AKAP12: variants seen among roughly 807,000 people sequenced by gnomAD.
The protein encoded by AKAP12 is A-kinase anchor protein 12.
In AKAP12, 32 loss-of-function variants were observed where a neutral mutation model predicts 79.9. That is an observed-to-expected ratio of 0.40 (90% CI 0.30 to 0.54). AKAP12 has a LOEUF of 0.54. Among genes scored for constraint, AKAP12 ranks in the 20% least tolerant of loss-of-function variants. The pLI is 0.48. For synonymous variants in AKAP12, 808 were observed against 857.0 expected, an observed-to-expected ratio of 0.94 and a Z score of 1.00; for missense variants, 2,074 against 2,177.0, an observed-to-expected ratio of 0.95 and a Z score of 0.94.
At position 151,268,833 on chromosome 6, in the gene AKAP12, G is replaced by A. The variant is rs149898791; in HGVS notation, c.162+28109G>A. Among the ~76,000 whole-genome samples, 214 of 151,812 alleles carry A rather than the reference G, an allele frequency of 1.4e-3. 1 individual carries two copies. The highest frequency in any genetic ancestry group is 0.011 in the South Asian group (52 of 4,786). On this transcript the variant is annotated intron_variant, in intron 2 of 4. Coordinates refer to ENST00000402676, the MANE Select transcript of AKAP12 (RefSeq NM_005100.4). ...TAATTTTTGTATTTTTTGTAGAGAC[G>A]GGGTTTCACCATGATGGCCAGGCTG...
At chr6:151,245,866 T>A (rs1294303701) in intron 2 of AKAP12, among the ~76,000 whole-genome samples, 1 of 152,166 alleles carries the variant, frequency 6.6e-6, no homozygotes, top group African/African-American at 2.4e-5. Flanking sequence ...TTTCGAAAAC[T>A]TCATGCACAT....
Position 151,349,026 on chromosome 6 carries a change from C to G in AKAP12, c.635C>G (p.Ala212Gly). 1 of 1,613,076 alleles carries G rather than the reference C, an allele frequency of 6.2e-7. No homozygotes were observed. The highest frequency in any genetic ancestry group is 8.5e-7 in the Non-Finnish European group (1 of 1,179,678). The change falls in exon 4 of 5, where the codon GCT (alanine) becomes GGT (glycine). Residue 212 changes from alanine to glycine, a missense_variant. Coordinates refer to ENST00000402676, the MANE Select transcript of AKAP12 (RefSeq NM_005100.4). ...GATGAAGGGGAGGGAGCAGCAGGGG[C>G]TGGCGACCACAAGGACCCCAGCCTT... ...KKDEGEGAAGAGDHKDPSLGA... is the reference protein window; with the variant it reads ...KKDEGEGAAGGGDHKDPSLGA...
At chr6:151,324,796 A>C (rs1161638315) in intron 3 of AKAP12, 22 of 985,280 alleles carry the variant, frequency 2.2e-5, no homozygotes, top group Non-Finnish European at 2.7e-5. Context: ...GACCACACCA[A>C]CTCATTCGTC....
intron 3 of AKAP12, chr6:151,343,881 A>G (rs2114812934): frequency 2.3e-6 from 1 of 432,536 alleles, no homozygotes; most frequent in Non-Finnish European, 4.4e-6. Context: ...GTCAGTTTAT[A>G]ATAGGAACAA....
intron 2 of AKAP12, among the ~76,000 whole-genome samples, chr6:151,274,430 G>C (rs573104678): frequency 7.2e-5 from 11 of 152,052 alleles, no homozygotes; most frequent in South Asian, 2.1e-4. Context: ...TGGAGGAGGT[G>C]GGGGGGTTGG....
chr6:151,290,839 A>G (rs1305337871), intron 2 of AKAP12, among the ~76,000 whole-genome samples: 1 of 151,804 alleles, frequency 6.6e-6, no homozygotes, highest in African/African-American at 2.4e-5. Flanking sequence ...TGAACTCCTG[A>G]CCTCAGATGA....
intron 3 of AKAP12, among the ~76,000 whole-genome samples, chr6:151,345,895 ATGTGTGTG>A (rs367643775): frequency 0.061 from 7,795 of 128,572 alleles, 286 homozygotes; most frequent in Non-Finnish European, 0.081. Context: ...GTGTGTGTAT[ATGTGTGTG>A]TGTGTGTGTG....
chr6:151,349,607 G>A lies in AKAP12; in HGVS notation c.1216G>A (p.Glu406Lys). The A allele has an allele frequency of 3.7e-6, 6 of 1,610,976 alleles. No individual in the cohort carries two copies. The highest frequency in any genetic ancestry group is 5.1e-6 in the Non-Finnish European group (6 of 1,179,050). Residue 406 changes from glutamate (E) to lysine (K), a missense_variant, in exon 4 of 5, where the codon GAG becomes AAG. By Grantham distance (56) the Glu-to-Lys change is moderately conservative (BLOSUM62 1). Coordinates refer to ENST00000402676, the MANE Select transcript of AKAP12 (RefSeq NM_005100.4). ...TCCGTTGGCGACAGAAGTGTTTGAT[G>A]AGAAAATAGAAGTCCACCAAGAAGA... is the stretch of plus-strand genomic sequence containing the variant. ...PAPLATEVFD[E>K]KIEVHQEEVV...
intron 3 of AKAP12, among the ~76,000 whole-genome samples, chr6:151,323,305 C>A (rs974180850): frequency 2.6e-5 from 4 of 152,196 alleles, no homozygotes; most frequent in African/African-American, 7.2e-5. Flanking sequence ...AGTCCCAGCG[C>A]TTTGGGAGGC....
At chr6:151,320,829 A>G (rs540336098) in intron 3 of AKAP12, among the ~76,000 whole-genome samples, 1 of 152,288 alleles carries the variant, frequency 6.6e-6, no homozygotes, top group Non-Finnish European at 1.5e-5. Flanking sequence ...AACCAGCAGC[A>G]CAAAGTTCTT....
intron 2 of AKAP12, among the ~76,000 whole-genome samples, chr6:151,301,375 T>A (rs1776860078): frequency 6.6e-6 from 1 of 152,204 alleles, no homozygotes; most frequent in Non-Finnish European, 1.5e-5. Context: ...AAGTGAATGC[T>A]TGTGCCTGTA....
chr6:151,306,607 G>A (rs1016316101), intron 3 of AKAP12, among the ~76,000 whole-genome samples: 5 of 152,136 alleles, frequency 3.3e-5, no homozygotes, highest in Non-Finnish European at 4.4e-5. Context: ...AAATTGATTC[G>A]TGTAATATGA....
chr6:151,254,953 C>T (rs1229039666), intron 2 of AKAP12, among the ~76,000 whole-genome samples: 3 of 152,162 alleles, frequency 2.0e-5, no homozygotes, highest in Admixed American at 1.3e-4. Context: ...GAAAGTTTCT[C>T]AAGCAGTCCC....
intron 3 of AKAP12, among the ~76,000 whole-genome samples, chr6:151,314,684 G>A (rs988329556): frequency 2.0e-5 from 3 of 152,096 alleles, no homozygotes; most frequent in Non-Finnish European, 4.4e-5. Context: ...CTTTCAAATT[G>A]GGTCCATGTT....
intron 3 of AKAP12, chr6:151,325,457 T>C (rs2114785119): frequency 1.0e-6 from 1 of 985,412 alleles, no homozygotes; most frequent in South Asian, 4.7e-5. Context: ...CCCGGGACTC[T>C]GCAGAACCCG....
intron 3 of AKAP12, among the ~76,000 whole-genome samples, chr6:151,347,175 G>A (rs761753825): frequency 9.2e-5 from 14 of 152,194 alleles, no homozygotes; most frequent in Non-Finnish European, 1.5e-4. Context: ...CAGTTCTTGT[G>A]TCCTTTTGAC....
chr6:151,313,871 G>A (rs550662070), intron 3 of AKAP12, among the ~76,000 whole-genome samples: 144 of 152,108 alleles, frequency 9.5e-4, no homozygotes, highest in African/African-American at 2.9e-3. Flanking sequence ...ACCCATCTCC[G>A]AAATTCTGTG....
intron 3 of AKAP12, chr6:151,341,932 T>TC (rs1777961307): frequency 1.9e-6 from 1 of 519,876 alleles, no homozygotes; most frequent in African/African-American, 2.1e-5. Flanking sequence ...CTGCCCTTGA[T>TC]CTTGCCCCAG....
At position 151,353,100 on chromosome 6, in the gene AKAP12, A is replaced by G; in HGVS notation, c.4709A>G (p.Glu1570Gly). 1 of 1,614,236 alleles carries G rather than the reference A, an allele frequency of 6.2e-7. No individual in the cohort carries two copies. The highest frequency in any genetic ancestry group is 1.3e-5 in the African/African-American group (1 of 75,064). Residue 1570 changes from glutamate (E) to glycine (G), a missense_variant, in exon 4 of 5, where the codon GAA (glutamate) becomes GGA (glycine). Around this residue, in one of 3 missense-constraint regions of AKAP12, gnomAD observed 614 missense variants for 665.6 expected, o/e 0.92. Coordinates refer to ENST00000402676, the MANE Select transcript of AKAP12 (RefSeq NM_005100.4). ...GTACGTACAGAAGAAACAGCCACCG[A>G]AATGTTGACGTCTGAGTTACAGACA... Reference protein sequence around the residue: ...QFVRTEETATEMLTSELQTQA... With the variant: ...QFVRTEETATGMLTSELQTQA...
Sources: gnomAD v4.1 joint callset for allele counts (sites outside exome capture counted in the v4.1 genomes callset) on GRCh38, gnomAD v4.1.1 for gene constraint, gnomAD v4.1.1 regional missense constraint, MANE v1.5 for transcripts, NCBI Gene and HGNC (gene_info 2026-07-23, HGNC 2026-07-21) for gene names.